The following RERE variants were observed in gnomAD, a reference collection of about 807,000 sequenced individuals.
RERE encodes the protein arginine-glutamic acid dipeptide repeats protein.
Under a neutral mutation model 146.1 loss-of-function variants are expected in RERE, and 40 were observed. The observed-to-expected ratio is 0.27, with a 90% CI of 0.21 to 0.36. The LOEUF (loss-of-function observed/expected upper bound fraction) is 0.36. RERE is among the 10% of genes least tolerant of loss of function. The probability of loss-of-function intolerance (pLI) is 1.00; values close to 1 mark genes in which losing one functional copy is unlikely to be tolerated. For synonymous variants in RERE, 1,003 were observed against 866.0 expected, an observed-to-expected ratio of 1.16 and a Z score of -2.78; for missense variants, 1,933 against 2,138.7, an observed-to-expected ratio of 0.90 and a Z score of 1.90.
intron 10 of RERE, among the ~76,000 whole-genome samples, chr1:8,470,323 C>T (rs894743799): frequency 6.6e-6 from 1 of 152,040 alleles, no homozygotes; most frequent in South Asian, 2.1e-4. Flanking sequence ...AGTGCAGTGG[C>T]GTGATCTCGA....
intron 7 of RERE, among the ~76,000 whole-genome samples, chr1:8,534,352 A>C (rs551226923): frequency 3.5e-4 from 53 of 152,378 alleles, no homozygotes; most frequent in Admixed American, 2.7e-3. Flanking sequence ...CACATAAGGA[A>C]AAGGGAATAA....
chr1:8,654,312 A>G (rs1456517854), intron 2 of RERE, among the ~76,000 whole-genome samples: 4 of 152,044 alleles, frequency 2.6e-5, no homozygotes, highest in Non-Finnish European at 5.9e-5. Flanking sequence ...CTGGGATTAC[A>G]GTCATGAGCC....
At chr1:8,649,271 C>G (rs986360252) in intron 2 of RERE, among the ~76,000 whole-genome samples, 4 of 126,772 alleles carry the variant, frequency 3.2e-5, no homozygotes, top group African/African-American at 1.3e-4. Context: ...TACAATAGAG[C>G]CCCACAAGGT....
intron 1 of RERE, chr1:8,753,471 AT>A (rs1640578487): frequency 6.6e-6 from 1 of 152,188 alleles, no homozygotes; most frequent in South Asian, 2.1e-4. Context: ...TTTCATTGAA[AT>A]TAAAAGAAGT....
chr1:8,670,969 G>A (rs776316687), intron 1 of RERE, among the ~76,000 whole-genome samples: 17 of 152,162 alleles, frequency 1.1e-4, no homozygotes, highest in Non-Finnish European at 2.4e-4. Flanking sequence ...CAGAGCGCAC[G>A]TGGTGTGAGA....
At chr1:8,675,125 C>T (rs143467697) in intron 1 of RERE, among the ~76,000 whole-genome samples, 455 of 152,268 alleles carry the variant, frequency 3.0e-3, no homozygotes, top group South Asian at 9.5e-3. Flanking sequence ...TCCCTCTTTT[C>T]TCTCCTCCCT....
intron 3 of RERE, among the ~76,000 whole-genome samples, chr1:8,620,785 C>A (rs868762360): frequency 6.6e-6 from 1 of 151,748 alleles, no homozygotes; most frequent in South Asian, 2.1e-4. Context: ...GCCTCTTCTG[C>A]TTGCCTGAGC....
chr1:8,465,053 AT>A (rs1376260041), intron 11 of RERE: 1 of 152,314 alleles, frequency 6.6e-6, no homozygotes, highest in African/African-American at 2.4e-5. Context: ...GCCAGCCTTC[AT>A]TTAAATTTCA....
chr1:8,693,827 G>A (rs1169751688), intron 1 of RERE, among the ~76,000 whole-genome samples: 1 of 152,060 alleles, frequency 6.6e-6, no homozygotes, highest in Non-Finnish European at 1.5e-5. Flanking sequence ...AGGGGAAACT[G>A]GGAGTTAGGG....
intron 1 of RERE, among the ~76,000 whole-genome samples, chr1:8,749,493 C>T (rs1640488041): frequency 6.7e-6 from 1 of 150,054 alleles, no homozygotes; most frequent in South Asian, 2.1e-4. Flanking sequence ...CCAGGGAGGG[C>T]CTCCCTAAGG....
intron 1 of RERE, among the ~76,000 whole-genome samples, chr1:8,660,089 AT>A (rs1638420307): frequency 2.6e-5 from 4 of 152,028 alleles, no homozygotes; most frequent in Admixed American, 6.6e-5. Flanking sequence ...ATACCATATC[AT>A]TTATATATTA....
chr1:8,653,699 A>C (rs80298561), intron 2 of RERE, among the ~76,000 whole-genome samples: 1 of 150,980 alleles, frequency 6.6e-6, no homozygotes, highest in Non-Finnish European at 1.5e-5. Context: ...CACCTCAAAA[A>C]AAAAAAAAAA....
intron 4 of RERE, among the ~76,000 whole-genome samples, chr1:8,582,702 C>T (rs1646382902): frequency 6.6e-6 from 1 of 152,062 alleles, no homozygotes; most frequent in African/African-American, 2.4e-5. Context: ...GCCTGGGAAA[C>T]AAGAGTGAAA....
At chr1:8,394,584 G>C (rs1167038423) in intron 12 of RERE, among the ~76,000 whole-genome samples, 1 of 152,156 alleles carries the variant, frequency 6.6e-6, no homozygotes, top group Non-Finnish European at 1.5e-5. Context: ...ACTTAAGAAA[G>C]GAGCTACTGC....
chr1:8,665,519 T>TA (rs1246079746), intron 1 of RERE, among the ~76,000 whole-genome samples: 1 of 152,178 alleles, frequency 6.6e-6, no homozygotes, highest in Non-Finnish European at 1.5e-5. Flanking sequence ...CATGAATAAA[T>TA]AACTGAAGAG....
intron 2 of RERE, among the ~76,000 whole-genome samples, chr1:8,651,113 A>G (rs902293196): frequency 2.0e-5 from 3 of 151,850 alleles, no homozygotes; most frequent in South Asian, 2.1e-4. Context: ...AAAATCTACC[A>G]TTTAAAAACT....
chr1:8,792,909 C>T (rs1258177119), intron 1 of RERE, among the ~76,000 whole-genome samples: 1 of 152,006 alleles, frequency 6.6e-6, no homozygotes, highest in Non-Finnish European at 1.5e-5. Flanking sequence ...GTAATCCCAG[C>T]ACTTTGGGAG....
chr1:8,808,572 T>C (rs1641733213), intron 1 of RERE, among the ~76,000 whole-genome samples: 1 of 152,202 alleles, frequency 6.6e-6, no homozygotes, highest in Admixed American at 6.5e-5. Flanking sequence ...ATCTCAATTT[T>C]ACAGATGAGG....
At chr1:8,419,282 G>T (rs773205209) in intron 12 of RERE, among the ~76,000 whole-genome samples, 5 of 152,246 alleles carry the variant, frequency 3.3e-5, no homozygotes, top group African/African-American at 4.8e-5. Flanking sequence ...TGGGTTTTCC[G>T]CAATCACAGC....
Sources: allele counts gnomAD v4.1 joint callset (sites outside exome capture counted in the v4.1 genomes callset), GRCh38; gene constraint gnomAD v4.1.1; transcripts MANE v1.5; gene names NCBI Gene and HGNC (gene_info 2026-07-23, HGNC 2026-07-21).